Variants in LINGO2 observed in about 807,000 individuals in gnomAD.
LINGO2 encodes the protein leucine-rich repeat and immunoglobulin-like domain-containing nogo receptor-interacting protein 2.
LINGO2 carries 14 observed loss-of-function variants against 30.6 expected under a neutral mutation model. The observed-to-expected ratio is 0.46, with a 90% confidence interval of 0.30 to 0.72. The LOEUF is 0.72. Ranked by LOEUF, LINGO2 falls within the 30% of genes least tolerant of loss-of-function variation. LINGO2 has a pLI of 0.07. For missense variants in LINGO2, 729 were observed against 751.7 expected, an observed-to-expected ratio of 0.97 and a Z score of 0.35; for synonymous variants, 317 against 288.5, an observed-to-expected ratio of 1.10 and a Z score of -1.00.
At chr9:28,003,342 T>TAG (rs1822063435) in intron 5 of LINGO2, among the ~76,000 whole-genome samples, 110 of 141,732 alleles carry the variant, frequency 7.8e-4, no homozygotes, top group African/African-American at 2.3e-3. Context: ...TATATAGATA[T>TAG]ATAGATAGAT....
intron 1 of LINGO2, among the ~76,000 whole-genome samples, chr9:28,489,435 A>T (rs1200767423): frequency 6.6e-6 from 1 of 152,122 alleles, no homozygotes; most frequent in African/African-American, 2.4e-5. Context: ...CTCTCGAAGC[A>T]TTGGGATTAC....
At chr9:29,096,866 A>AT in the LINGO2 span, among the ~76,000 whole-genome samples, 1 of 139,320 alleles carries the variant, frequency 7.2e-6, no homozygotes, top group African/African-American at 2.7e-5. Context: ...AAATAATGAG[A>AT]TTTTTTCAAC....
At chr9:28,674,422 T>A (rs1829142012), upstream of LINGO2, among the ~76,000 whole-genome samples, 1 of 152,120 alleles carries the variant, frequency 6.6e-6, no homozygotes, top group Non-Finnish European at 1.5e-5. Context: ...CAAGGAAAAA[T>A]ATCAACCTAC....
At chr9:28,582,556 G>A (rs1378726356) in intron 1 of LINGO2, among the ~76,000 whole-genome samples, 1 of 152,050 alleles carries the variant, frequency 6.6e-6, no homozygotes, top group East Asian at 1.9e-4. Flanking sequence ...TCACTCCGGT[G>A]ACCAGGCTTC....
chr9:28,420,729 A>T (rs1337628616), intron 2 of LINGO2, among the ~76,000 whole-genome samples: 4 of 152,048 alleles, frequency 2.6e-5, no homozygotes, highest in African/African-American at 9.7e-5. Context: ...AGTTCAGAAA[A>T]TTTTTACCAT....
chr9:28,248,858 T>C (rs1822097207), intron 4 of LINGO2, among the ~76,000 whole-genome samples: 1 of 152,160 alleles, frequency 6.6e-6, no homozygotes, highest in Non-Finnish European at 1.5e-5. Context: ...GTAATGCCTA[T>C]AAAGAAACTA....
chr9:28,574,912 C>G (rs1823879832), intron 1 of LINGO2, among the ~76,000 whole-genome samples: 1 of 152,266 alleles, frequency 6.6e-6, no homozygotes, highest in South Asian at 2.1e-4. Flanking sequence ...ATTTAAAATG[C>G]ATTGCAGTAC....
the LINGO2 span, among the ~76,000 whole-genome samples, chr9:28,679,358 T>C: frequency 6.6e-6 from 1 of 152,168 alleles, no homozygotes; most frequent in African/African-American, 2.4e-5. Flanking sequence ...CTTCTAACTT[T>C]GGTTCTGATT....
At chr9:29,036,744 T>A in the LINGO2 span, among the ~76,000 whole-genome samples, 1 of 152,034 alleles carries the variant, frequency 6.6e-6, no homozygotes, top group African/African-American at 2.4e-5. Context: ...TCAATGCTAC[T>A]ACAGAAAGCT....
At chr9:28,801,074 T>C in the LINGO2 span, among the ~76,000 whole-genome samples, 1 of 152,098 alleles carries the variant, frequency 6.6e-6, no homozygotes, top group Non-Finnish European at 1.5e-5. Context: ...CCAGTTCATT[T>C]CCTAATCAGA....
At chr9:28,865,884 A>G in the LINGO2 span, among the ~76,000 whole-genome samples, 2 of 152,192 alleles carry the variant, frequency 1.3e-5, no homozygotes, top group Non-Finnish European at 2.9e-5. Context: ...TGTAAAATTA[A>G]GTTGATCCAA....
At chr9:29,067,867 C>T in the LINGO2 span, among the ~76,000 whole-genome samples, 1 of 150,970 alleles carries the variant, frequency 6.6e-6, no homozygotes, top group Non-Finnish European at 1.5e-5. Context: ...ACCAAGAAGA[C>T]TAAAGCCCAG....
At chr9:28,053,040 T>C (rs755229862) in intron 4 of LINGO2, among the ~76,000 whole-genome samples, 1 of 152,118 alleles carries the variant, frequency 6.6e-6, no homozygotes, top group African/African-American at 2.4e-5. Flanking sequence ...TCATCAAGTT[T>C]ATAATCCAGA....
chr9:28,878,314 A>G, the LINGO2 span, among the ~76,000 whole-genome samples: 1 of 152,172 alleles, frequency 6.6e-6, no homozygotes, highest in African/African-American at 2.4e-5. Context: ...CGAATAGACC[A>G]ATAACAGGCT....
chr9:29,086,054 G>A, the LINGO2 span, among the ~76,000 whole-genome samples: 1 of 152,098 alleles, frequency 6.6e-6, no homozygotes, highest in East Asian at 1.9e-4. Context: ...AGGATGCTAT[G>A]CCTATTTCAT....
At chr9:27,991,117 A>G (rs1447688590) in intron 5 of LINGO2, among the ~76,000 whole-genome samples, 3 of 152,058 alleles carry the variant, frequency 2.0e-5, no homozygotes, top group African/African-American at 7.2e-5. Flanking sequence ...AAATCAAGGA[A>G]AAATTACACA....
intron 1 of LINGO2, among the ~76,000 whole-genome samples, chr9:28,492,248 T>C (rs1357836152): frequency 6.6e-6 from 1 of 152,202 alleles, no homozygotes; most frequent in Non-Finnish European, 1.5e-5. Context: ...CAACAATGTC[T>C]GATCAATTTG....
chr9:28,122,752 C>G (rs901765153), intron 4 of LINGO2, among the ~76,000 whole-genome samples: 1 of 152,132 alleles, frequency 6.6e-6, no homozygotes, highest in African/African-American at 2.4e-5. Context: ...AAAAGAACCA[C>G]AAGTTATGTT....
chr9:29,023,613 G>A, the LINGO2 span, among the ~76,000 whole-genome samples: 1 of 151,374 alleles, frequency 6.6e-6, no homozygotes, highest in Non-Finnish European at 1.5e-5. Context: ...AATTGTTTTA[G>A]GTAAAATTTA....
Sources: gnomAD v4.1 joint callset for allele counts (sites outside exome capture counted in the v4.1 genomes callset) on GRCh38, gnomAD v4.1.1 for gene constraint, MANE v1.5 for transcripts, NCBI Gene and HGNC (gene_info 2026-07-23, HGNC 2026-07-21) for gene names.